The following ADIPOR2 variants were observed in gnomAD, a reference collection of about 807,000 sequenced individuals.
ADIPOR2 encodes adiponectin receptor protein 2.
A neutral mutation model predicts 40.9 loss-of-function variants in ADIPOR2; 18 were observed. That is an observed-to-expected ratio of 0.44 (90% confidence interval 0.30 to 0.65). ADIPOR2 has a LOEUF of 0.65. ADIPOR2 is among the 30% of genes least tolerant of loss of function. The pLI is 0.09. For missense variants in ADIPOR2, 283 were observed against 479.2 expected (o/e 0.59, Z 3.82); for synonymous variants, 165 against 166.4 (o/e 0.99, Z 0.06).
rs1452681478 is a variant in ADIPOR2 at position 1,755,019 on chromosome 12, T to C, written c.171+505T>C. On this transcript the variant is annotated intron_variant, in intron 2 of 7. Transcript: ENST00000357103. The stretch of plus-strand genomic sequence containing the variant: ...ATGAGTCATCGTGCCCAGCTTCTTA[T>C]TCTTAAATTAGCTTAGATATTATTT... 5.9e-5 allele frequency among the ~76,000 whole-genome samples: 7 copies of C among 117,954 alleles called. 2 individuals are homozygous for C. The highest frequency in any genetic ancestry group is 1.3e-4 in the African/African-American group (5 of 38,636). 77.4% of individuals were successfully genotyped at this position (117,954 alleles called of 152,430 possible). A position where few individuals can be genotyped will look rare whatever the true frequency, so the allele number is the denominator to read the frequency against.
chr12:1,762,524 G>A (rs997444253), intron 2 of ADIPOR2, among the ~76,000 whole-genome samples: 1 of 152,152 alleles, frequency 6.6e-6, no homozygotes, highest in Non-Finnish European at 1.5e-5. Flanking sequence ...GTGGTTTCAA[G>A]TAGTTTCTTT....
chr12:1,753,607 C>G (rs1862050257), intron 1 of ADIPOR2, among the ~76,000 whole-genome samples: 1 of 152,052 alleles, frequency 6.6e-6, no homozygotes, highest in Non-Finnish European at 1.5e-5. Context: ...CTTTTGAATA[C>G]AAAATATTAT....
intron 1 of ADIPOR2, among the ~76,000 whole-genome samples, chr12:1,708,407 T>G (rs571745937): frequency 2.6e-5 from 4 of 152,352 alleles, no homozygotes; most frequent in African/African-American, 9.6e-5. Context: ...CACTTTTTAC[T>G]TATGGTTAGT....
At position 1,786,203 on chromosome 12, in the gene ADIPOR2, C is replaced by T. The variant is rs896216509; in HGVS notation, c.*131C>T. 1 of 1,264,664 alleles carries T rather than the reference C, an allele frequency of 7.9e-7. No individual in the cohort carries two copies. The allele number at this position is 1,264,664 out of a possible 1,614,324, so 78.3% of individuals were successfully genotyped here. ...ACAGCCTCGTGGGCTTTGTGACGGCCCAGTGGCTCTGCGTGGTACATGACT... is the reference window on the plus strand; with the variant it reads ...ACAGCCTCGTGGGCTTTGTGACGGCTCAGTGGCTCTGCGTGGTACATGACT... On this transcript the variant is annotated 3_prime_UTR_variant, in exon 8 of 8. Transcript: ENST00000357103.
chr12:1,784,143 C>T (rs1227621736), intron 7 of ADIPOR2, 70 bp downstream of exon 7: 1 of 1,428,106 alleles, frequency 7.0e-7, no homozygotes, highest in Non-Finnish European at 9.3e-7. Context: ...CAGAGTGATG[C>T]AATAGAAAAA....
intron 2 of ADIPOR2, among the ~76,000 whole-genome samples, chr12:1,761,858 A>G (rs1862276653): frequency 6.6e-6 from 1 of 152,212 alleles, no homozygotes; most frequent in African/African-American, 2.4e-5. Context: ...CAGTTCCTAG[A>G]GAGAGCTCTT....
chr12:1,786,103 A>G lies in ADIPOR2; in HGVS notation c.*31A>G, dbSNP rs1376765500. 6.2e-7 allele frequency: 1 copy of G among 1,604,496 alleles called. No homozygotes were observed. The highest frequency in any genetic ancestry group is 1.1e-5 in the South Asian group (1 of 89,826). ...ACCAGTCTCCAGGGACTATGACCCTAAACCAGGGCCTGCGGCACTTGCGGG... is the reference window on the plus strand; with the variant it reads ...ACCAGTCTCCAGGGACTATGACCCTGAACCAGGGCCTGCGGCACTTGCGGG... On this transcript the variant is annotated 3_prime_UTR_variant, in exon 8 of 8. Transcript: ENST00000357103.
intron 2 of ADIPOR2, chr12:1,760,629 A>G (rs1456988928): frequency 6.6e-6 from 1 of 152,226 alleles, no homozygotes; most frequent in East Asian, 1.9e-4. Flanking sequence ...TTTAAGTTTC[A>G]TCAATATTGT....
At chr12:1,714,578 T>C (rs2094683968) in intron 1 of ADIPOR2, among the ~76,000 whole-genome samples, 2 of 152,116 alleles carry the variant, frequency 1.3e-5, no homozygotes, top group South Asian at 4.1e-4. Flanking sequence ...TCATGGGCTT[T>C]TTCCTAATTC....
chr12:1,778,844 T>A (rs1442639422), intron 4 of ADIPOR2, among the ~76,000 whole-genome samples: 2 of 152,270 alleles, frequency 1.3e-5, no homozygotes, highest in Non-Finnish European at 2.9e-5. Flanking sequence ...CAACCGATTT[T>A]AAAAATGGGT....
intron 6 of ADIPOR2, among the ~76,000 whole-genome samples, chr12:1,783,219 A>G (rs1025441549): frequency 6.6e-6 from 1 of 151,844 alleles, no homozygotes; most frequent in Non-Finnish European, 1.5e-5. Context: ...TGCTGCTTCA[A>G]AGAGAAGATG....
At chr12:1,744,047 G>A in intron 1 of ADIPOR2, among the ~76,000 whole-genome samples, 1 of 151,998 alleles carries the variant, frequency 6.6e-6, no homozygotes, top group South Asian at 2.1e-4. Context: ...ATGCAGAAAG[G>A]AATGTTTATT....
intron 1 of ADIPOR2, among the ~76,000 whole-genome samples, chr12:1,705,328 A>G (rs1468034086): frequency 6.6e-6 from 1 of 152,290 alleles, no homozygotes; most frequent in East Asian, 1.9e-4. Flanking sequence ...CCCTGACTTT[A>G]ATATTTAGAA....
chr12:1,780,350 A>C lies in ADIPOR2; in HGVS notation c.464-101A>C, dbSNP rs150195531. ...ATTTTTCTCATTGAACTTTTGATTC[A>C]GATATTGTTGTAATGCAGAAGGATT... On this transcript the variant is annotated intron_variant, in intron 4 of 7. Coordinates refer to ENST00000357103, the MANE Select transcript of ADIPOR2 (RefSeq NM_024551.3). 8.0e-4 allele frequency: 970 copies of C among 1,209,094 alleles called. 1 individual carries two copies. The highest frequency in any genetic ancestry group is 1.0e-3 in the Non-Finnish European group (910 of 903,682). The allele number at this position is 1,209,094 out of a possible 1,614,324, so 74.9% of individuals were successfully genotyped here. A position where few individuals can be genotyped will look rare whatever the true frequency, so the allele number is the denominator to read the frequency against.
intron 1 of ADIPOR2, among the ~76,000 whole-genome samples, chr12:1,711,477 GCAGATACAGGTTGAAGTTC>G (rs1263952307): frequency 1.3e-5 from 2 of 152,026 alleles, no homozygotes; most frequent in Non-Finnish European, 2.9e-5. Context: ...TGGTGGGGAG[GCAGATACAGGTTGAAGTTC>G]CACTTAAGAA....
chr12:1,748,669 C>T (rs1048835908), intron 1 of ADIPOR2, among the ~76,000 whole-genome samples: 3 of 151,860 alleles, frequency 2.0e-5, no homozygotes, highest in African/African-American at 7.3e-5. Flanking sequence ...ATTATTTCAG[C>T]ACCATTTATT....
At position 1,786,209 on chromosome 12, in the gene ADIPOR2, G is replaced by T; in HGVS notation, c.*137G>T. Reference sequence around the variant, plus strand: ...TCGTGGGCTTTGTGACGGCCCAGTGGCTCTGCGTGGTACATGACTGAGAAG... The same window carrying T: ...TCGTGGGCTTTGTGACGGCCCAGTGTCTCTGCGTGGTACATGACTGAGAAG... On this transcript the variant is annotated 3_prime_UTR_variant, in exon 8 of 8. Coordinates refer to ENST00000357103, the MANE Select transcript of ADIPOR2 (RefSeq NM_024551.3). 1 of 1,095,386 alleles carries T rather than the reference G, an allele frequency of 9.1e-7. No individual in the cohort carries two copies. The highest frequency in any genetic ancestry group is 1.3e-6 in the Non-Finnish European group (1 of 767,640). The allele number at this position is 1,095,386 out of a possible 1,614,324, so 67.9% of individuals were successfully genotyped here.
chr12:1,741,983 AG>A (rs1162278822), intron 1 of ADIPOR2, among the ~76,000 whole-genome samples: 3 of 150,882 alleles, frequency 2.0e-5, no homozygotes, highest in African/African-American at 7.3e-5. Flanking sequence ...TATTACCTCT[AG>A]GCTGGACTTG....
chr12:1,772,695 A>G, intron 2 of ADIPOR2, 147 bp from the exon 3 acceptor site: 1 of 977,404 alleles, frequency 1.0e-6, no homozygotes, highest in Non-Finnish European at 1.4e-6. Flanking sequence ...TAATTCTATA[A>G]TAAACTGACT....
Sources: allele counts gnomAD v4.1 joint callset (sites outside exome capture counted in the v4.1 genomes callset), GRCh38; gene constraint gnomAD v4.1.1; transcripts MANE v1.5; gene names NCBI Gene and HGNC (gene_info 2026-07-23, HGNC 2026-07-21).